The following NPEPPS variants were observed in gnomAD, a reference collection of about 807,000 sequenced individuals.
The protein encoded by NPEPPS is aminopeptidase puromycin sensitive.
Under a neutral mutation model 115.5 loss-of-function variants are expected in NPEPPS, and 14 were observed. The ratio of observed to expected loss-of-function variants is 0.12; its 90% CI spans 0.08 to 0.19. NPEPPS has a LOEUF of 0.19. NPEPPS is among the 10% of genes least tolerant of loss of function. NPEPPS has a pLI of 1.00. For missense variants in NPEPPS, 523 were observed against 1,110.8 expected (o/e 0.47, Z 7.52); for synonymous variants, 285 against 390.6 (o/e 0.73, Z 3.19).
At chr17:47,585,422 C>T in intron 5 of NPEPPS, 78 bp from the exon 6 acceptor site, 1 of 949,316 alleles carries the variant, frequency 1.1e-6, no homozygotes, top group Non-Finnish European at 1.7e-6. Flanking sequence ...GCAATAAAGC[C>T]TACAGTTTTT....
chr17:47,536,609 G>A (rs1304432066), intron 1 of NPEPPS, among the ~76,000 whole-genome samples: 1 of 151,066 alleles, frequency 6.6e-6, no homozygotes, highest in Non-Finnish European at 1.5e-5. Context: ...TGGTCAGGCT[G>A]GTCTCGAACT....
At chr17:47,588,285 G>A (rs548035020) in intron 9 of NPEPPS, among the ~76,000 whole-genome samples, 17 of 152,204 alleles carry the variant, frequency 1.1e-4, no homozygotes, top group Non-Finnish European at 1.6e-4. Flanking sequence ...TTTCAGGCCG[G>A]GCACGGTGGC....
intron 5 of NPEPPS, among the ~76,000 whole-genome samples, chr17:47,584,487 T>C (rs1018430242): frequency 1.3e-5 from 2 of 152,182 alleles, no homozygotes; most frequent in Admixed American, 6.5e-5. Flanking sequence ...AACTCTTTTA[T>C]GTATTTATTG....
At chr17:47,534,264 TG>T (rs1359204690) in intron 1 of NPEPPS, among the ~76,000 whole-genome samples, 1 of 151,998 alleles carries the variant, frequency 6.6e-6, no homozygotes, top group East Asian at 1.9e-4. Context: ...GCTAATTTTT[TG>T]TATTTTTAGT....
At chr17:47,611,044 G>A (rs1913836562) in intron 17 of NPEPPS, among the ~76,000 whole-genome samples, 1 of 150,526 alleles carries the variant, frequency 6.6e-6, no homozygotes, top group Non-Finnish European at 1.5e-5. Context: ...AGTAGAGACA[G>A]GGTTTCACCA....
At chr17:47,601,973 G>GAAAA in intron 15 of NPEPPS, 3 of 343,658 alleles carry the variant, frequency 8.7e-6, no homozygotes, top group East Asian at 6.1e-5. Context: ...AGGAGGAGAA[G>GAAAA]AAAAAAAAAA....
At position 47,548,864 on chromosome 17, in the gene NPEPPS, T is replaced by C. The variant is rs111845132; in HGVS notation, c.340+2871T>C. Among the ~76,000 whole-genome samples, 3 of 151,854 alleles carry C rather than the reference T, an allele frequency of 2.0e-5. No individual in the cohort carries two copies. The South Asian group carries it at 6.3e-4, about 32-fold the overall frequency. ...TGTTGGGATTACAGGCGTGAGCCAC[T>C]GCGCCCGACCTGACTGAAAAGTTTT... On this transcript the variant is annotated intron_variant, in intron 2 of 22. Coordinates refer to ENST00000322157, the MANE Select transcript of NPEPPS (RefSeq NM_006310.4).
intron 7 of NPEPPS, 29 bp downstream of exon 7, chr17:47,586,273 T>C: frequency 9.3e-7 from 1 of 1,074,646 alleles, no homozygotes; most frequent in Admixed American, 3.6e-5. Flanking sequence ...TATTGCTGAA[T>C]TGTAATAACT....
rs186045654 is a variant in NPEPPS at position 47,606,449 on chromosome 17, A to G, written c.2095+897A>G. Among the ~76,000 whole-genome samples, 3 of 149,146 alleles carry G rather than the reference A, an allele frequency of 2.0e-5. No homozygotes were observed. In the Admixed American group the frequency reaches 2.0e-4, roughly 10 times the overall value. ...AAATAGTAGCAATACCTAGAGCTCT[A>G]TGTCTTGTCTTCTTTTTTTTTTTTT... On this transcript the variant is annotated intron_variant, in intron 17 of 22. Transcript: ENST00000322157.
rs201093336 is a variant in NPEPPS, at chr17:47,622,971, C to CAA, written c.*1053_*1054dup. On this transcript the variant is annotated 3_prime_UTR_variant, in exon 23 of 23. Coordinates refer to ENST00000322157, the MANE Select transcript of NPEPPS (RefSeq NM_006310.4). Reference sequence around the variant, plus strand: ...CATTAGTGGTAACTGGTTTAAAAAACAAAGACTGTAAGCCTGTGTGTGCCA... The same window carrying CAA: ...CATTAGTGGTAACTGGTTTAAAAAACAAAAAGACTGTAAGCCTGTGTGTGCCA... 1.6e-3 allele frequency: 738 copies of CAA among 455,650 alleles called. 14 individuals are homozygous for CAA. The East Asian group carries it at 0.045, about 28-fold the overall frequency. 28.2% of individuals were successfully genotyped at this position (455,650 alleles called of 1,614,324 possible).
At chr17:47,572,403 A>G (rs1386930801) in intron 3 of NPEPPS, among the ~76,000 whole-genome samples, 1 of 152,176 alleles carries the variant, frequency 6.6e-6, no homozygotes, top group African/African-American at 2.4e-5. Context: ...AATGAAAGAT[A>G]GGGCAAAAAG....
chr17:47,600,811 G>C (rs1245541543), intron 14 of NPEPPS, among the ~76,000 whole-genome samples: 4 of 152,112 alleles, frequency 2.6e-5, no homozygotes, highest in African/African-American at 7.2e-5. Flanking sequence ...ACTCCTCTGT[G>C]ACGGAACATA....
intron 2 of NPEPPS, chr17:47,557,557 G>C (rs1024532126): frequency 6.7e-6 from 1 of 148,232 alleles, no homozygotes; most frequent in Non-Finnish European, 1.5e-5. Flanking sequence ...ATGGATGTTT[G>C]GCTTATTACT....
chr17:47,575,373 C>T (rs1231053164), intron 3 of NPEPPS, among the ~76,000 whole-genome samples: 2 of 151,930 alleles, frequency 1.3e-5, no homozygotes, highest in African/African-American at 2.4e-5. Context: ...ATGTATCATT[C>T]TTGATAAGGT....
chr17:47,600,602 A>G (rs989878032), intron 14 of NPEPPS, among the ~76,000 whole-genome samples: 2 of 152,240 alleles, frequency 1.3e-5, no homozygotes, highest in Non-Finnish European at 2.9e-5. Context: ...AACTTGCAGT[A>G]TCCCAATATT....
chr17:47,569,974 T>G (rs886336689), intron 3 of NPEPPS, among the ~76,000 whole-genome samples: 29 of 152,172 alleles, frequency 1.9e-4, no homozygotes, highest in African/African-American at 6.8e-4. Flanking sequence ...CAGCATTTCC[T>G]TCTGCGGAAG....
At chr17:47,544,551 T>TATTTA in intron 1 of NPEPPS, among the ~76,000 whole-genome samples, 1 of 145,022 alleles carries the variant, frequency 6.9e-6, no homozygotes, top group Non-Finnish European at 1.5e-5. Flanking sequence ...TTTATTTATT[T>TATTTA]TGAGATAGAG....
Position 47,622,417 on chromosome 17 carries a change from C to T in NPEPPS, c.*497C>T, listed in dbSNP as rs1360080045. 2 of 162,410 alleles carry T rather than the reference C, an allele frequency of 1.2e-5. No individual in the cohort carries two copies. The highest frequency in any genetic ancestry group is 2.5e-5 in the Non-Finnish European group (2 of 78,616). The allele number at this position is 162,410 out of a possible 1,614,324, so 10.1% of individuals were successfully genotyped here. On this transcript the variant is annotated 3_prime_UTR_variant, in exon 23 of 23. Coordinates refer to ENST00000322157, the MANE Select transcript of NPEPPS (RefSeq NM_006310.4). ...ACATAGTTGGAGTCAGTGCATAATTCCAAGTGGCTTTTTTTTTTTTTGGCA... is the reference window on the plus strand; with the variant it reads ...ACATAGTTGGAGTCAGTGCATAATTTCAAGTGGCTTTTTTTTTTTTTGGCA...
intron 3 of NPEPPS, among the ~76,000 whole-genome samples, chr17:47,575,572 C>A (rs1911464604): frequency 7.0e-6 from 1 of 143,774 alleles, no homozygotes; most frequent in Non-Finnish European, 1.5e-5. Context: ...GCAGGTGTGA[C>A]AATATTGAAT....
Sources: gnomAD v4.1 joint callset for allele counts (sites outside exome capture counted in the v4.1 genomes callset) on GRCh38, gnomAD v4.1.1 for gene constraint, MANE v1.5 for transcripts, NCBI Gene and HGNC (gene_info 2026-07-23, HGNC 2026-07-21) for gene names.